WDFY3: variants seen among roughly 807,000 people sequenced by gnomAD.
The protein encoded by WDFY3 is WD repeat and FYVE domain-containing protein 3.
In WDFY3, 66 loss-of-function variants were observed where a neutral mutation model predicts 409.6. The ratio of observed to expected loss-of-function variants is 0.16; its 90% CI spans 0.13 to 0.20. WDFY3 has a LOEUF of 0.20. Ranked by LOEUF, WDFY3 falls within the 10% of genes least tolerant of loss-of-function variation. The pLI is 1.00. For synonymous variants in WDFY3, 1,521 were observed against 1,537.1 expected, an observed-to-expected ratio of 0.99 and a Z score of 0.25; for missense variants, 3,031 against 4,298.1, an observed-to-expected ratio of 0.71 and a Z score of 8.24.
At chr4:84,760,482 T>G (rs1358612193) in intron 32 of WDFY3, among the ~76,000 whole-genome samples, 13 of 151,424 alleles carry the variant, frequency 8.6e-5, no homozygotes, top group African/African-American at 2.7e-4. Flanking sequence ...CAATTTCAGA[T>G]CCTGTTATTG....
chr4:84,882,718 A>ATTT (rs761553554), intron 3 of WDFY3, among the ~76,000 whole-genome samples: 1 of 143,928 alleles, frequency 6.9e-6, no homozygotes, highest in African/African-American at 2.5e-5. Context: ...TTTCACCTAT[A>ATTT]TTTTTTTTTT....
At chr4:84,836,846 T>C (rs1482141421) in intron 7 of WDFY3, 83 bp downstream of exon 7, 1 of 1,205,104 alleles carries the variant, frequency 8.3e-7, no homozygotes, top group Non-Finnish European at 1.1e-6. Context: ...AGTTAAAAAA[T>C]GGAATATGTA....
intron 13 of WDFY3, among the ~76,000 whole-genome samples, chr4:84,815,496 A>G (rs532776654): frequency 6.6e-6 from 1 of 152,310 alleles, no homozygotes; most frequent in South Asian, 2.1e-4. Flanking sequence ...AGCAAAGGAA[A>G]ATACAAGTTC....
chr4:84,678,952 T>C lies in WDFY3; in HGVS notation c.10114A>G (p.Ile3372Val). The part of the protein sequence containing the change: ...GPLSHPHPNP[I>V]EVRNYSRLKP... Reference sequence around the variant, plus strand: ...AATCTGCTGTAATTCCGCACCTCAATGGGATTGGGGTGGGGGTGGCTAAGG... The same window carrying C: ...AATCTGCTGTAATTCCGCACCTCAACGGGATTGGGGTGGGGGTGGCTAAGG... The change falls in exon 65 of 68, where the codon ATT (isoleucine) becomes GTT (valine). Residue 3372 changes from isoleucine to valine, a missense_variant. Ile to Val is a conservative substitution (Grantham distance 29). Transcript: ENST00000295888. 1 of 1,613,632 alleles carries C rather than the reference T, an allele frequency of 6.2e-7. No individual in the cohort carries two copies. Among genetic ancestry groups the C allele is most frequent in the Non-Finnish European group, 8.5e-7 (1 of 1,179,816 alleles).
At chr4:84,714,109 T>C (rs1049342390) in intron 50 of WDFY3, among the ~76,000 whole-genome samples, 1 of 146,068 alleles carries the variant, frequency 6.8e-6, no homozygotes, top group Non-Finnish European at 1.5e-5. Context: ...AGCAAGACTT[T>C]GTCTAAAAAA....
chr4:84,781,747 C>A (rs1240103255), intron 25 of WDFY3, among the ~76,000 whole-genome samples: 1 of 152,110 alleles, frequency 6.6e-6, no homozygotes, highest in East Asian at 1.9e-4. Flanking sequence ...TCCACTATAC[C>A]ACAGGGCTGC....
chr4:84,741,337 C>T (rs376722422), intron 38 of WDFY3, among the ~76,000 whole-genome samples: 88 of 145,848 alleles, frequency 6.0e-4, no homozygotes, highest in Non-Finnish European at 1.0e-3. Context: ...TTTTTTGAGA[C>T]GGAGTCTTGC....
At chr4:84,766,550 C>T (rs562060703) in intron 30 of WDFY3, among the ~76,000 whole-genome samples, 178 bp from the exon 31 acceptor site, 2 of 152,232 alleles carry the variant, frequency 1.3e-5, no homozygotes, top group East Asian at 1.9e-4. Context: ...TTTAGAACTC[C>T]GAAAATTGTT....
intron 2 of WDFY3, among the ~76,000 whole-genome samples, chr4:84,924,531 T>C (rs1011937986): frequency 2.6e-5 from 4 of 152,190 alleles, no homozygotes; most frequent in Non-Finnish European, 5.9e-5. Context: ...AACAATCACA[T>C]GAAGTAGATA....
chr4:84,860,350 C>T, intron 4 of WDFY3, 62 bp downstream of exon 4: 1 of 1,521,972 alleles, frequency 6.6e-7, no homozygotes, highest in Non-Finnish European at 8.9e-7. Context: ...TTACCAGTAA[C>T]CTTCAGATTC....
chr4:84,859,470 G>A lies in WDFY3; in HGVS notation c.180+942C>T, dbSNP rs1166438835. Among the ~76,000 whole-genome samples, 9 of 152,198 alleles carry A rather than the reference G, an allele frequency of 5.9e-5. No individual in the cohort carries two copies. The South Asian group carries it at 1.5e-3, about 25-fold the overall frequency. On this transcript the variant is annotated intron_variant, in intron 4 of 67. Coordinates refer to ENST00000295888, the MANE Select transcript of WDFY3 (RefSeq NM_014991.6). ...ATGTTATTTAAAAGTCTTTCATGGC[G>A]GCAGCAATTAGTGGTGAAGAGCAGG...
chr4:84,755,487 G>T, intron 33 of WDFY3, 87 bp from the exon 34 acceptor site: 1 of 1,464,980 alleles, frequency 6.8e-7, no homozygotes, highest in Non-Finnish European at 9.1e-7. Flanking sequence ...AAATTTCTTT[G>T]AAACTAGTTT....
intron 1 of WDFY3, among the ~76,000 whole-genome samples, chr4:84,952,503 A>G (rs1327147405): frequency 6.6e-6 from 1 of 152,090 alleles, no homozygotes; most frequent in African/African-American, 2.4e-5. Flanking sequence ...ACCCCTTTAT[A>G]CAGAACTTTT....
intron 16 of WDFY3, 46 bp from the exon 17 acceptor site, chr4:84,801,910 G>A (rs1174142835): frequency 2.8e-5 from 44 of 1,555,774 alleles, no homozygotes; most frequent in Non-Finnish European, 3.6e-5. Context: ...TTCTTAGTGA[G>A]AAAGATGACA....
At chr4:84,833,199 C>T (rs1024473202) in intron 7 of WDFY3, among the ~76,000 whole-genome samples, 2 of 152,074 alleles carry the variant, frequency 1.3e-5, no homozygotes, top group Non-Finnish European at 2.9e-5. Flanking sequence ...TTTCTGCCCT[C>T]AATGGGCTCT....
At chr4:84,741,706 C>A in intron 38 of WDFY3, 55 bp downstream of exon 38, 1 of 1,486,944 alleles carries the variant, frequency 6.7e-7, no homozygotes, top group Non-Finnish European at 9.0e-7. Context: ...AATTTTGACA[C>A]CATAGGCAAA....
chr4:84,730,284 T>C (rs994004573), intron 44 of WDFY3, among the ~76,000 whole-genome samples: 2 of 152,194 alleles, frequency 1.3e-5, no homozygotes, highest in African/African-American at 4.8e-5. Flanking sequence ...GAAAATTCTA[T>C]AGAATGCTAA....
chr4:84,852,281 G>A (rs997366502), intron 4 of WDFY3, among the ~76,000 whole-genome samples: 2 of 152,324 alleles, frequency 1.3e-5, no homozygotes, highest in South Asian at 2.1e-4. Context: ...GGGAGGGATG[G>A]AGCTGAATGG....
rs983188288 is a variant in WDFY3 at position 84,687,153 on chromosome 4, C to CT, written c.9543+932dup. 5.3e-5 allele frequency among the ~76,000 whole-genome samples: 8 copies of CT among 151,838 alleles called. No individual in the cohort carries two copies. In the East Asian group the frequency reaches 7.8e-4, roughly 15 times the overall value. ...TCAACACATTTCTAACCTTCTTCTT[C>CT]TTTTTTTTGAGACTGAGTCTCACTC... On this transcript the variant is annotated intron_variant, in intron 62 of 67. Coordinates refer to ENST00000295888, the MANE Select transcript of WDFY3 (RefSeq NM_014991.6).
Sources: allele counts gnomAD v4.1 joint callset (sites outside exome capture counted in the v4.1 genomes callset), GRCh38; gene constraint gnomAD v4.1.1; transcripts MANE v1.5; gene names NCBI Gene and HGNC (gene_info 2026-07-23, HGNC 2026-07-21).